NAV2: variants seen among roughly 807,000 people sequenced by gnomAD.
The protein encoded by NAV2 is helicase, APC down-regulated 1.
Under a neutral mutation model 223.2 loss-of-function variants are expected in NAV2, and 54 were observed. That is an observed-to-expected ratio of 0.24 (90% CI 0.19 to 0.30). NAV2 has a LOEUF of 0.30. Among genes scored for constraint, NAV2 ranks in the 10% least tolerant of loss-of-function variants. The pLI, the probability that NAV2 is intolerant of heterozygous loss-of-function variation, is 1.00. For missense variants in NAV2, 2,806 were observed against 3,147.5 expected, an observed-to-expected ratio of 0.89 and a Z score of 2.60; for synonymous variants, 1,279 against 1,239.3, an observed-to-expected ratio of 1.03 and a Z score of -0.67.
chr11:20,028,569 T>G (rs534762032), intron 11 of NAV2, among the ~76,000 whole-genome samples: 2 of 152,342 alleles, frequency 1.3e-5, no homozygotes, highest in East Asian at 3.9e-4. Context: ...CTGATCTGTA[T>G]GTACTATAGC....
At chr11:19,475,689 A>G (rs2042093204) in intron 1 of NAV2, among the ~76,000 whole-genome samples, 1 of 152,236 alleles carries the variant, frequency 6.6e-6, no homozygotes, top group South Asian at 2.1e-4. Context: ...ACTGCCAGAG[A>G]GTGCCTAGTG....
At chr11:19,666,206 C>G (rs1441558314) in intron 1 of NAV2, among the ~76,000 whole-genome samples, 1 of 152,176 alleles carries the variant, frequency 6.6e-6, no homozygotes, top group Admixed American at 6.5e-5. Flanking sequence ...CTCTGTTCAC[C>G]AGCTTTCAAT....
intron 1 of NAV2, among the ~76,000 whole-genome samples, chr11:19,438,904 T>A (rs1460788900): frequency 6.6e-6 from 1 of 151,946 alleles, no homozygotes; most frequent in Non-Finnish European, 1.5e-5. Context: ...GATTTTTTTT[T>A]TTGTAGAGGT....
chr11:19,599,782 G>A (rs1190684059), intron 1 of NAV2, among the ~76,000 whole-genome samples: 1 of 152,174 alleles, frequency 6.6e-6, no homozygotes, highest in Non-Finnish European at 1.5e-5. Flanking sequence ...TTCTGTTTGA[G>A]AAACAGCATG....
At chr11:19,429,933 T>G (rs534072796) in intron 1 of NAV2, among the ~76,000 whole-genome samples, 1 of 152,184 alleles carries the variant, frequency 6.6e-6, no homozygotes, top group Non-Finnish European at 1.5e-5. Flanking sequence ...TTTTAGCTAT[T>G]AGAAAAAAAG....
At chr11:19,607,374 C>T (rs2046507319) in intron 1 of NAV2, among the ~76,000 whole-genome samples, 1 of 152,202 alleles carries the variant, frequency 6.6e-6, no homozygotes, top group African/African-American at 2.4e-5. Flanking sequence ...AGCTCTGTTC[C>T]ACCTTGCCAT....
At chr11:20,106,865 C>G (rs1023771005) in intron 35 of NAV2, among the ~76,000 whole-genome samples, 1 of 151,770 alleles carries the variant, frequency 6.6e-6, no homozygotes, top group Non-Finnish European at 1.5e-5. Context: ...AGGCTGATCT[C>G]GAACTCCTGA....
chr11:19,983,564 CAT>C (rs982371172), intron 10 of NAV2, among the ~76,000 whole-genome samples: 11 of 152,184 alleles, frequency 7.2e-5, no homozygotes, highest in African/African-American at 2.4e-4. Flanking sequence ...GATATTCCCA[CAT>C]GTCACAGGCC....
At chr11:19,984,618 G>A (rs2050603524) in intron 11 of NAV2, among the ~76,000 whole-genome samples, 1 of 152,206 alleles carries the variant, frequency 6.6e-6, no homozygotes, top group Admixed American at 6.5e-5. Flanking sequence ...TTGTGGCACA[G>A]AAGGTCTGTG....
intron 6 of NAV2, among the ~76,000 whole-genome samples, chr11:19,906,234 C>T (rs187418966): frequency 7.2e-5 from 11 of 152,206 alleles, no homozygotes; most frequent in Non-Finnish European, 1.3e-4. Flanking sequence ...TAGGTGAGTT[C>T]GAAGGCAGAG....
intron 7 of NAV2, among the ~76,000 whole-genome samples, chr11:19,936,965 C>A (rs1274910782): frequency 1.3e-5 from 2 of 152,058 alleles, no homozygotes; most frequent in African/African-American, 4.8e-5. Flanking sequence ...TGGTGAAACC[C>A]TATCTCTACT....
intron 1 of NAV2, among the ~76,000 whole-genome samples, chr11:19,828,760 T>C (rs534116748): frequency 6.6e-5 from 10 of 152,172 alleles, no homozygotes; most frequent in Non-Finnish European, 1.5e-4. Flanking sequence ...TGGGGAGCCA[T>C]TGATGATTTT....
chr11:19,432,099 G>T (rs541532486), intron 1 of NAV2, among the ~76,000 whole-genome samples: 3 of 151,986 alleles, frequency 2.0e-5, no homozygotes, highest in African/African-American at 4.8e-5. Flanking sequence ...TTGGGAAGCT[G>T]AGGCAAGAGA....
chr11:20,016,637 C>A (rs1156548004), intron 11 of NAV2, among the ~76,000 whole-genome samples: 1 of 152,176 alleles, frequency 6.6e-6, no homozygotes, highest in Non-Finnish European at 1.5e-5. Context: ...GATCCACAAT[C>A]TGGGTAAATG....
chr11:20,102,173 C>G (rs933017830), intron 32 of NAV2, among the ~76,000 whole-genome samples: 1 of 152,136 alleles, frequency 6.6e-6, no homozygotes, highest in African/African-American at 2.4e-5. Flanking sequence ...GCTCCGCAGG[C>G]ATGGGGAGCC....
At chr11:20,074,485 C>A (rs142352047) in intron 22 of NAV2, among the ~76,000 whole-genome samples, 1 of 152,160 alleles carries the variant, frequency 6.6e-6, no homozygotes, top group East Asian at 1.9e-4. Context: ...TCCTGGATAT[C>A]CTTGTTAATT....
chr11:19,714,962 G>C (rs4757840), intron 1 of NAV2, among the ~76,000 whole-genome samples: 14,575 of 152,164 alleles, frequency 0.096, 882 homozygotes, highest in Non-Finnish European at 0.12. Flanking sequence ...GGAGAGGCGG[G>C]AAGCCAGAGG....
chr11:19,985,533 C>A (rs1591539585), intron 11 of NAV2, among the ~76,000 whole-genome samples: 1 of 146,950 alleles, frequency 6.8e-6, no homozygotes, highest in East Asian at 2.0e-4. Context: ...GAAACATGAA[C>A]CATTTGAGAA....
rs544693045 is a variant in NAV2, at chr11:19,949,167, T to C, written c.2645+87T>C. ...TTTGTAGGGCTCTATTTGATTCTTC[T>C]GGAGGAGGTCAAACTGCCCACCTGA... On this transcript the variant is annotated intron_variant, in intron 10 of 37. Transcript: ENST00000349880. The C allele has an allele frequency of 2.1e-5, 30 of 1,428,642 alleles. No homozygotes were observed. The South Asian group carries it at 4.2e-4, about 20-fold the overall frequency. The allele number at this position is 1,428,642 out of a possible 1,614,324, so 88.5% of individuals were successfully genotyped here.
Sources: allele counts gnomAD v4.1 joint callset (sites outside exome capture counted in the v4.1 genomes callset), GRCh38; gene constraint gnomAD v4.1.1; transcripts MANE v1.5; gene names NCBI Gene and HGNC (gene_info 2026-07-23, HGNC 2026-07-21).